The following CNOT10 variants were observed in gnomAD, a reference collection of about 807,000 sequenced individuals.
CNOT10 encodes CCR4-NOT transcription complex, subunit 10.
In CNOT10, 30 loss-of-function variants were observed where a neutral mutation model predicts 94.6. That is an observed-to-expected ratio of 0.32 (90% CI 0.24 to 0.43). The LOEUF (loss-of-function observed/expected upper bound fraction) is 0.43, where lower values mean the gene tolerates loss of function less well. Among genes scored for constraint, CNOT10 ranks in the 20% least tolerant of loss-of-function variants. The pLI is 1.00. For synonymous variants in CNOT10, 289 were observed against 301.6 expected (o/e 0.96, Z 0.43); for missense variants, 759 against 877.2 (o/e 0.87, Z 1.70).
chr3:32,764,758 C>T lies in CNOT10; in HGVS notation c.1953C>T (p.Ser651=), dbSNP rs376924360. ...CTGTGATGCTGTTCAACCTTGGCAG[C>T]GCTTACTGCCTGAGGAGCGAATATG... ...ARTVMLFNLG[S]AYCLRSEYDK... The change falls in exon 17 of 19, where the codon AGC becomes AGT. Residue 651 remains serine (S), a synonymous_variant. Coordinates refer to ENST00000328834, the MANE Select transcript of CNOT10 (RefSeq NM_015442.3). 9.3e-6 allele frequency: 15 copies of T among 1,614,020 alleles called. No homozygotes were observed. Among genetic ancestry groups the T allele is most frequent in the African/African-American group, 6.7e-5 (5 of 74,906 alleles).
At chr3:32,705,930 A>T (rs1697599059) in intron 3 of CNOT10, among the ~76,000 whole-genome samples, 1 of 152,214 alleles carries the variant, frequency 6.6e-6, no homozygotes, top group African/African-American at 2.4e-5. Context: ...TATTGAATGC[A>T]TACTGGGTGC....
intron 13 of CNOT10, among the ~76,000 whole-genome samples, chr3:32,742,196 C>A (rs113442737): frequency 0.022 from 3,335 of 152,024 alleles, 51 homozygotes; most frequent in East Asian, 0.047. Context: ...GATCCACCGA[C>A]CCCGGCCTCC....
intron 1 of CNOT10, among the ~76,000 whole-genome samples, chr3:32,692,170 T>C (rs908415264): frequency 2.0e-5 from 3 of 152,076 alleles, no homozygotes; most frequent in African/African-American, 7.2e-5. Flanking sequence ...AAGTCCAGCC[T>C]GGGCACCATG....
chr3:32,752,088 G>A (rs899512182), intron 13 of CNOT10, among the ~76,000 whole-genome samples: 12 of 140,348 alleles, frequency 8.6e-5, no homozygotes, highest in Non-Finnish European at 1.8e-4. Flanking sequence ...TGGGATTTCG[G>A]GACCAGCCTG....
intron 13 of CNOT10, among the ~76,000 whole-genome samples, chr3:32,755,994 G>C (rs1700213090): frequency 6.6e-6 from 1 of 152,088 alleles, no homozygotes; most frequent in Non-Finnish European, 1.5e-5. Flanking sequence ...TGGGGGTGGG[G>C]ACAATATTTT....
At chr3:32,754,811 C>T (rs1255859263) in intron 13 of CNOT10, among the ~76,000 whole-genome samples, 3 of 149,834 alleles carry the variant, frequency 2.0e-5, no homozygotes, top group Non-Finnish European at 4.4e-5. Flanking sequence ...CATGAGCCAC[C>T]GTGCCTGGCC....
chr3:32,734,418 C>G (rs1003834399), intron 11 of CNOT10, among the ~76,000 whole-genome samples: 2 of 152,140 alleles, frequency 1.3e-5, no homozygotes, highest in Non-Finnish European at 2.9e-5. Context: ...AAGGCTCAAA[C>G]GTGAAAATCT....
intron 7 of CNOT10, among the ~76,000 whole-genome samples, chr3:32,718,781 G>C (rs150302649): frequency 6.6e-6 from 1 of 151,992 alleles, no homozygotes; most frequent in East Asian, 1.9e-4. Context: ...CAGAGCAAAG[G>C]ATAAACTAGG....
chr3:32,695,917 T>G, intron 1 of CNOT10: 1 of 997,322 alleles, frequency 1.0e-6, no homozygotes, highest in Non-Finnish European at 1.5e-6. Context: ...GGCAGAAAAC[T>G]CGAGAAATGT....
intron 6 of CNOT10, 27 bp downstream of exon 6, chr3:32,716,338 T>A: frequency 9.4e-7 from 1 of 1,064,656 alleles, no homozygotes; most frequent in Non-Finnish European, 1.4e-6. Context: ...AGGGGGGCAA[T>A]ACATCACATA....
intron 15 of CNOT10, 117 bp downstream of exon 15, chr3:32,762,980 T>C: frequency 9.1e-7 from 1 of 1,097,694 alleles, no homozygotes; most frequent in Non-Finnish European, 1.2e-6. Flanking sequence ...TTAGGTTGGC[T>C]TTCCACATTT....
intron 8 of CNOT10, among the ~76,000 whole-genome samples, chr3:32,722,085 A>G (rs1027714186): frequency 1.3e-5 from 2 of 152,216 alleles, no homozygotes; most frequent in Non-Finnish European, 2.9e-5. Flanking sequence ...GGAGAAGGAA[A>G]ATCACTTATT....
chr3:32,748,822 T>C (rs1233343225), intron 13 of CNOT10, among the ~76,000 whole-genome samples: 1 of 151,282 alleles, frequency 6.6e-6, no homozygotes, highest in Non-Finnish European at 1.5e-5. Flanking sequence ...TGTTTTTGTT[T>C]TTGTGGTTTT....
chr3:32,714,285 C>T (rs1698021520), intron 5 of CNOT10, among the ~76,000 whole-genome samples: 1 of 151,216 alleles, frequency 6.6e-6, no homozygotes, highest in African/African-American at 2.4e-5. Context: ...CATTGAGCAT[C>T]TTTTCATATA....
intron 1 of CNOT10, among the ~76,000 whole-genome samples, chr3:32,692,862 A>G (rs558914979): frequency 6.6e-6 from 1 of 152,250 alleles, no homozygotes; most frequent in South Asian, 2.1e-4. Flanking sequence ...CCTGGGCAAC[A>G]TGAGAGCCTG....
chr3:32,743,855 C>T (rs952647482), intron 13 of CNOT10, among the ~76,000 whole-genome samples: 1 of 152,018 alleles, frequency 6.6e-6, no homozygotes, highest in African/African-American at 2.4e-5. Flanking sequence ...ATATTACTTC[C>T]ATTTTTTTTG....
intron 1 of CNOT10, among the ~76,000 whole-genome samples, chr3:32,690,808 A>T (rs1349839277): frequency 6.6e-6 from 1 of 151,936 alleles, no homozygotes; most frequent in Non-Finnish European, 1.5e-5. Context: ...CGGCCTCCCA[A>T]AGTGCTGGGA....
chr3:32,766,999 A>G (rs1700673838), intron 17 of CNOT10, among the ~76,000 whole-genome samples: 1 of 152,260 alleles, frequency 6.6e-6, no homozygotes. Context: ...AAGACTGCAC[A>G]TAAGCAGACA....
chr3:32,771,011 C>A (rs1700878972), intron 18 of CNOT10, among the ~76,000 whole-genome samples: 1 of 152,048 alleles, frequency 6.6e-6, no homozygotes, highest in South Asian at 2.1e-4. Context: ...GAGCGACGAC[C>A]CATCAAATTC....
Sources: allele counts gnomAD v4.1 joint callset (sites outside exome capture counted in the v4.1 genomes callset), GRCh38; gene constraint gnomAD v4.1.1; transcripts MANE v1.5; gene names NCBI Gene and HGNC (gene_info 2026-07-23, HGNC 2026-07-21).